CPEB3: variants seen among roughly 807,000 people sequenced by gnomAD.
CPEB3 encodes the protein cytoplasmic polyadenylation element-binding protein 3.
Under a neutral mutation model 67.2 loss-of-function variants are expected in CPEB3, and 20 were observed. The observed-to-expected ratio is 0.30, with a 90% CI of 0.21 to 0.43. The LOEUF (loss-of-function observed/expected upper bound fraction) is 0.43, where lower values mean the gene tolerates loss of function less well. Among genes scored for constraint, CPEB3 ranks in the 20% least tolerant of loss-of-function variants. The pLI is 1.00. For missense variants in CPEB3, 746 were observed against 968.6 expected (o/e 0.77, Z 3.05); for synonymous variants, 376 against 393.1 (o/e 0.96, Z 0.51).
intron 2 of CPEB3, among the ~76,000 whole-genome samples, chr10:92,200,496 G>T (rs1169340513): frequency 3.3e-5 from 4 of 121,806 alleles, no homozygotes; most frequent in Admixed American, 2.3e-4. Context: ...GGTGAGCCGA[G>T]ATCACACCAC....
intron 1 of CPEB3, among the ~76,000 whole-genome samples, chr10:92,253,823 G>A (rs1852408122): frequency 6.6e-6 from 1 of 152,152 alleles, no homozygotes; most frequent in Non-Finnish European, 1.5e-5. Flanking sequence ...TGGCCAAATA[G>A]GAGGGGGAGC....
intron 6 of CPEB3, among the ~76,000 whole-genome samples, chr10:92,120,192 A>G (rs1845287756): frequency 6.6e-6 from 1 of 150,988 alleles, no homozygotes; most frequent in Non-Finnish European, 1.5e-5. Context: ...AGGGCAGATC[A>G]CGAGGTCAGG....
At chr10:92,083,507 C>T (rs1014628810) in intron 8 of CPEB3, among the ~76,000 whole-genome samples, 4 of 148,726 alleles carry the variant, frequency 2.7e-5, no homozygotes, top group African/African-American at 1.0e-4. Flanking sequence ...TCTCCTCATA[C>T]GGCTAATGTT....
At chr10:92,092,748 G>A (rs1843673339) in intron 7 of CPEB3, among the ~76,000 whole-genome samples, 1 of 151,826 alleles carries the variant, frequency 6.6e-6, no homozygotes, top group Admixed American at 6.6e-5. Flanking sequence ...CCACTGCACT[G>A]CAGCCTGGTG....
rs1842325654 is a variant in CPEB3, at chr10:92,282,189, T to C, written c.-12+8737A>G. On this transcript the variant is annotated intron_variant, in intron 1 of 9. Transcript: ENST00000265997. Reference sequence around the variant, plus strand: ...TGTAAGCAAGGATAATGAAAAGTAATGGGTCTCCCACCATATTTATAAGGA... The same window carrying C: ...TGTAAGCAAGGATAATGAAAAGTAACGGGTCTCCCACCATATTTATAAGGA... Among the ~76,000 whole-genome samples the C allele has an allele frequency of 2.0e-5, 3 of 152,158 alleles. No individual in the cohort carries two copies. The South Asian group carries it at 6.2e-4, about 31-fold the overall frequency.
intron 6 of CPEB3, among the ~76,000 whole-genome samples, chr10:92,133,598 T>C (rs1213774843): frequency 6.6e-6 from 1 of 152,192 alleles, no homozygotes; most frequent in Admixed American, 6.5e-5. Context: ...AAAGAAGAGC[T>C]GGTACCATTC....
At chr10:92,167,242 A>G (rs1847787781) in intron 4 of CPEB3, among the ~76,000 whole-genome samples, 1 of 152,200 alleles carries the variant, frequency 6.6e-6, no homozygotes, top group Non-Finnish European at 1.5e-5. Context: ...TAGTGTGTTC[A>G]TTGGAATAAC....
At chr10:92,166,096 A>G (rs1198072567) in intron 4 of CPEB3, among the ~76,000 whole-genome samples, 1 of 151,972 alleles carries the variant, frequency 6.6e-6, no homozygotes, top group Non-Finnish European at 1.5e-5. Flanking sequence ...TTGCCTTACA[A>G]AATGTATTTC....
chr10:92,109,640 A>G (rs1472446763), intron 7 of CPEB3, among the ~76,000 whole-genome samples: 1 of 152,150 alleles, frequency 6.6e-6, no homozygotes, highest in African/African-American at 2.4e-5. Context: ...AAATTTGGCA[A>G]CAGCCTCCAA....
At chr10:92,201,720 G>T (rs1849534544) in intron 2 of CPEB3, among the ~76,000 whole-genome samples, 1 of 152,142 alleles carries the variant, frequency 6.6e-6, no homozygotes, top group African/African-American at 2.4e-5. Flanking sequence ...AATAAAGGGG[G>T]AGCTTAACCT....
chr10:92,065,396 T>C (rs1289738501), intron 9 of CPEB3, among the ~76,000 whole-genome samples: 4 of 152,104 alleles, frequency 2.6e-5, no homozygotes, highest in Middle Eastern at 3.2e-3. Flanking sequence ...AATTTTTGTA[T>C]TTTTAGTAGA....
At chr10:92,166,193 C>T (rs1847734769) in intron 4 of CPEB3, among the ~76,000 whole-genome samples, 1 of 151,600 alleles carries the variant, frequency 6.6e-6, no homozygotes, top group South Asian at 2.1e-4. Context: ...ACTGCCACTT[C>T]CGTCTCCCGG....
intron 7 of CPEB3, among the ~76,000 whole-genome samples, chr10:92,098,028 G>A (rs1274032251): frequency 3.3e-5 from 5 of 151,518 alleles, no homozygotes; most frequent in Non-Finnish European, 7.4e-5. Flanking sequence ...AGGCATGGTG[G>A]TGCATGCCTG....
rs1851756642 is a variant in CPEB3, at chr10:92,240,039, C to T, written c.312G>A (p.Ser104=). The change falls in exon 2 of 10, where the codon TCG becomes TCA. Residue 104 remains serine (S), a synonymous_variant. Transcript: ENST00000265997. ...QEPAAPGASL[S]PSFGSTWSTG... ...TGGACCAGGTGCTGCCGAAGGACGG[C>T]GACAGCGACGCGCCCGGTGCCGCGG... 3 of 1,600,744 alleles carry T rather than the reference C, an allele frequency of 1.9e-6. No homozygotes were observed. The highest frequency in any genetic ancestry group is 2.3e-5 in the East Asian group (1 of 44,260).
Position 92,233,239 on chromosome 10 carries a change from A to C in CPEB3, c.1005+6107T>G, listed in dbSNP as rs547739195. ...CTGAAAAGATGGTCTTAAAAAAAAG[A>C]AAGTGGGGGCCAGATGCGGTGGCTC... is the stretch of plus-strand genomic sequence containing the variant. On this transcript the variant is annotated intron_variant, in intron 2 of 9. Coordinates refer to ENST00000265997, the MANE Select transcript of CPEB3 (RefSeq NM_014912.5). 1.3e-3 allele frequency among the ~76,000 whole-genome samples: 198 copies of C among 152,222 alleles called. 1 individual carries two copies. The highest frequency in any genetic ancestry group is 6.8e-3 in the Middle Eastern group (2 of 294).
chr10:92,250,158 GCTCA>G (rs940095410), intron 1 of CPEB3, among the ~76,000 whole-genome samples: 4 of 151,848 alleles, frequency 2.6e-5, no homozygotes, highest in Admixed American at 1.3e-4. Flanking sequence ...CGCGATCTGA[GCTCA>G]CTGCCAGCTC....
At chr10:92,106,227 C>CTTT (rs77616371) in intron 7 of CPEB3, among the ~76,000 whole-genome samples, 1 of 137,890 alleles carries the variant, frequency 7.3e-6, no homozygotes, top group African/African-American at 2.7e-5. Context: ...TACTATTAAC[C>CTTT]TTTTTTTTTT....
intron 4 of CPEB3, among the ~76,000 whole-genome samples, chr10:92,156,384 T>C (rs1847210220): frequency 6.6e-6 from 1 of 152,062 alleles, no homozygotes; most frequent in Admixed American, 6.6e-5. Context: ...GGACCCTGAA[T>C]TGAGAATGGG....
intron 9 of CPEB3, among the ~76,000 whole-genome samples, chr10:92,053,235 C>A (rs922182514): frequency 2.6e-5 from 4 of 152,102 alleles, no homozygotes; most frequent in Admixed American, 1.3e-4. Context: ...CTTTAGGGAA[C>A]CTTTTTAAAT....
Sources: gnomAD v4.1 joint callset for allele counts (sites outside exome capture counted in the v4.1 genomes callset) on GRCh38, gnomAD v4.1.1 for gene constraint, MANE v1.5 for transcripts, NCBI Gene and HGNC (gene_info 2026-07-23, HGNC 2026-07-21) for gene names.